Variants in ITGAE observed in about 807,000 individuals in gnomAD.
ITGAE encodes the protein integrin subunit alpha E, also known as integrin alpha-E.
Under a neutral mutation model 136.5 loss-of-function variants are expected in ITGAE, and 99 were observed. The observed-to-expected ratio is 0.73, with a 90% CI of 0.62 to 0.86. The LOEUF is 0.86. Among genes scored for constraint, ITGAE ranks in the 40% least tolerant of loss-of-function variants. ITGAE has a pLI of 0.00. For synonymous variants in ITGAE, 613 were observed against 591.8 expected, an observed-to-expected ratio of 1.04 and a Z score of -0.52; for missense variants, 1,447 against 1,515.3, an observed-to-expected ratio of 0.95 and a Z score of 0.75.
chr17:3,777,325 G>A (rs922241291), intron 2 of ITGAE, among the ~76,000 whole-genome samples: 1 of 152,226 alleles, frequency 6.6e-6, no homozygotes, highest in African/African-American at 2.4e-5. Flanking sequence ...CCAGTGAGGC[G>A]TGAGGCTGGG....
rs764383389 is a variant in ITGAE, at chr17:3,757,865, C to G, written c.867-6G>C. ...TTGAGGTGAAGATGCTGTCTCTAAG[C>G]AGGGGAGAGTAAATGAAGAAGAGAG... On this transcript the variant is annotated splice_region_variant and splice_polypyrimidine_tract_variant and intron_variant, in intron 8 of 30. Coordinates refer to ENST00000263087, the MANE Select transcript of ITGAE (RefSeq NM_002208.5). 5 of 1,613,852 alleles carry G rather than the reference C, an allele frequency of 3.1e-6. No homozygotes were observed. In the African/African-American group the frequency reaches 6.7e-5, roughly 22 times the overall value.
Position 3,753,571 on chromosome 17 carries a change from G to C in ITGAE, c.1528-141C>G, listed in dbSNP as rs566460386. The C allele has an allele frequency of 3.3e-5, 39 of 1,186,482 alleles. No individual in the cohort carries two copies. In the African/African-American group the frequency reaches 5.8e-4, roughly 18 times the overall value. 73.5% of individuals were successfully genotyped at this position (1,186,482 alleles called of 1,614,324 possible). ...TTTGCTCACTGAGAGTAACAGAAGA[G>C]TGGAGGAGCAGCCCAGGCCCCACAG... On this transcript the variant is annotated intron_variant, in intron 13 of 30. Coordinates refer to ENST00000263087, the MANE Select transcript of ITGAE (RefSeq NM_002208.5).
Position 3,755,884 on chromosome 17 carries a change from G to T in ITGAE, c.1185C>A (p.Asp395Glu). The T allele has an allele frequency of 1.9e-6, 3 of 1,596,870 alleles. No homozygotes were observed. The highest frequency in any genetic ancestry group is 2.6e-6 in the Non-Finnish European group (3 of 1,171,854). ...TCTGTGCCAGCTGGTAGTGAAGGGC[G>T]TCTCCAACCGTGCCTGCAAGCCAAG... ...NIISMEGTVG[D>E]ALHYQLAQIG... The change falls in exon 11 of 31, where the codon GAC (aspartate) becomes GAA (glutamate). Residue 395 changes from aspartate (D) to glutamate (E), a missense_variant. Asp to Glu is a conservative substitution (Grantham distance 45). Transcript: ENST00000263087.
rs756917937 is a variant in ITGAE, at chr17:3,724,668, C to G, written c.3085-924G>C. On this transcript the variant is annotated intron_variant, in intron 26 of 30. Transcript: ENST00000263087. Reference sequence around the variant, plus strand: ...AACCCGCGCCAGCCTCAGGTCAGTTCTCTTTGGCCTTATGAACTCAGGAAC... The same window carrying G: ...AACCCGCGCCAGCCTCAGGTCAGTTGTCTTTGGCCTTATGAACTCAGGAAC... The G allele has an allele frequency of 1.5e-5, 24 of 1,614,110 alleles. No homozygotes were observed. In the Middle Eastern group the frequency reaches 6.6e-4, roughly 44 times the overall value.
chr17:3,761,638 A>C, intron 4 of ITGAE, 118 bp from the exon 5 acceptor site: 1 of 932,450 alleles, frequency 1.1e-6, no homozygotes. Context: ...GGGCACAGGA[A>C]GAGCTGGCCC....
At chr17:3,765,594 C>T (rs1013598686) in intron 2 of ITGAE, among the ~76,000 whole-genome samples, 1 of 152,122 alleles carries the variant, frequency 6.6e-6, no homozygotes, top group Admixed American at 6.5e-5. Context: ...GACTTCCCAC[C>T]CTCTGAGTCA....
intron 1 of ITGAE, among the ~76,000 whole-genome samples, chr17:3,784,924 G>A (rs1400249443): frequency 6.6e-6 from 1 of 152,106 alleles, no homozygotes; most frequent in Non-Finnish European, 1.5e-5. Flanking sequence ...TTAAGCTCAG[G>A]AGTTCAAGAC....
chr17:3,799,547 G>C lies in ITGAE; in HGVS notation c.34+1564C>G, dbSNP rs2053199424. The stretch of plus-strand genomic sequence containing the variant: ...GGAGGCAGGACAGAGGCCTGGGCTT[G>C]AGCCTCGTGTCTATTATCAGTTGCT... On this transcript the variant is annotated intron_variant, in intron 1 of 30. Transcript: ENST00000263087. This position sits in a 1 kb window ranked among gnomAD's most constrained non-coding sequence, Gnocchi z 4.1. 6.6e-6 allele frequency among the ~76,000 whole-genome samples: 1 copy of C among 152,122 alleles called. No individual in the cohort carries two copies. The highest frequency in any genetic ancestry group is 2.1e-4 in the South Asian group (1 of 4,826).
chr17:3,724,050 G>A (rs749313290), intron 26 of ITGAE: 2 of 1,596,998 alleles, frequency 1.3e-6, no homozygotes, highest in Non-Finnish European at 1.7e-6. Flanking sequence ...CCCGCCGCAG[G>A]ACCGGAGGCG....
chr17:3,736,345 A>G (rs2051459285), intron 20 of ITGAE, among the ~76,000 whole-genome samples: 1 of 152,162 alleles, frequency 6.6e-6, no homozygotes, highest in Admixed American at 6.6e-5. Flanking sequence ...GGCTAATTAA[A>G]TGCCTGGAGT....
At chr17:3,736,720 A>T (rs1056066543) in intron 20 of ITGAE, among the ~76,000 whole-genome samples, 2 of 152,200 alleles carry the variant, frequency 1.3e-5, no homozygotes, top group East Asian at 1.9e-4. Context: ...ACAGAAAAAC[A>T]TATTAGCAAT....
intron 3 of ITGAE, 56 bp downstream of exon 3, chr17:3,763,813 G>C (rs545566520): frequency 7.3e-7 from 1 of 1,374,826 alleles, no homozygotes; most frequent in African/African-American, 1.4e-5. Flanking sequence ...AGATGAGGGG[G>C]ATTTTGCTAG....
At position 3,757,033 on chromosome 17, in the gene ITGAE, C is replaced by A. The variant is rs1185761206; in HGVS notation, c.1122G>T (p.Ala374=). 7 of 1,614,090 alleles carry A rather than the reference C, an allele frequency of 4.3e-6. No homozygotes were observed. The highest frequency in any genetic ancestry group is 1.3e-5 in the African/African-American group (1 of 74,928). ...GCAGTTTGCTCAGCAGCCCATCCAG[C>A]GCCATGTAGTTGGTCACCTTGAAAG... ...THAFKVTNYM[A]LDGLLSKLRY... Residue 374 remains alanine (A), a synonymous_variant, in exon 10 of 31, where the codon GCG becomes GCT. Coordinates refer to ENST00000263087, the MANE Select transcript of ITGAE (RefSeq NM_002208.5).
chr17:3,782,450 C>A (rs1347212437), intron 1 of ITGAE, among the ~76,000 whole-genome samples: 5 of 150,730 alleles, frequency 3.3e-5, no homozygotes, highest in African/African-American at 9.8e-5. Context: ...TCACTGACAC[C>A]TTCGCCTCCC....
intron 26 of ITGAE, chr17:3,724,316 C>T: frequency 6.3e-7 from 1 of 1,587,690 alleles, no homozygotes; most frequent in Non-Finnish European, 8.5e-7. Flanking sequence ...AGAAGTGCAG[C>T]ACACCCTGCG....
chr17:3,792,590 C>A (rs1331167496), intron 1 of ITGAE, among the ~76,000 whole-genome samples: 2 of 152,152 alleles, frequency 1.3e-5, no homozygotes, highest in South Asian at 2.1e-4. Flanking sequence ...ATACAACAAG[C>A]CAGGAAGGAG....
chr17:3,753,703 C>T (rs952559866), intron 13 of ITGAE, 80 bp downstream of exon 13: 7 of 1,548,352 alleles, frequency 4.5e-6, no homozygotes, highest in East Asian at 4.7e-5. Context: ...CACTGTGCAC[C>T]GTGGGACCCA....
intron 28 of ITGAE, chr17:3,722,628 G>C (rs1313615454): frequency 6.5e-6 from 1 of 153,028 alleles, no homozygotes; most frequent in Non-Finnish European, 1.5e-5. Flanking sequence ...TGGCGAGCTA[G>C]AAGAATAGGA....
At chr17:3,729,066 G>C (rs1245416748) in intron 24 of ITGAE, among the ~76,000 whole-genome samples, 3 of 151,564 alleles carry the variant, frequency 2.0e-5, no homozygotes, top group African/African-American at 7.3e-5. Context: ...AGGAATAAAA[G>C]CTGAATGTCA....
Sources: gnomAD v4.1 joint callset for allele counts (sites outside exome capture counted in the v4.1 genomes callset) on GRCh38, gnomAD v4.1.1 for gene constraint, Gnocchi (gnomAD v3.1) non-coding constraint, MANE v1.5 for transcripts, NCBI Gene and HGNC (gene_info 2026-07-23, HGNC 2026-07-21) for gene names.